LGSN: variants seen among roughly 807,000 people sequenced by gnomAD.
The protein encoded by LGSN is lengsin, lens protein with glutamine synthetase domain.
A neutral mutation model predicts 19.5 loss-of-function variants in LGSN; 21 were observed. That is an observed-to-expected ratio of 1.07 (90% confidence interval 0.76 to 1.55). The LOEUF (loss-of-function observed/expected upper bound fraction) is 1.55. Among genes scored for constraint, LGSN ranks in the 40% most tolerant of loss-of-function variants. The pLI, the probability that LGSN is intolerant of heterozygous loss-of-function variation, is 0.00. For missense variants in LGSN, 673 were observed against 608.5 expected (o/e 1.11, Z -1.12); for synonymous variants, 257 against 215.6 (o/e 1.19, Z -1.68).
the LGSN span, among the ~76,000 whole-genome samples, chr6:63,567,433 G>C: frequency 6.6e-6 from 1 of 152,192 alleles, no homozygotes; most frequent in Non-Finnish European, 1.5e-5. Flanking sequence ...GCATTTCAGT[G>C]ACCATGTGCA....
chr6:63,461,082 C>A, the LGSN span, among the ~76,000 whole-genome samples: 1 of 152,096 alleles, frequency 6.6e-6, no homozygotes, highest in Non-Finnish European at 1.5e-5. Context: ...GGGTTTTTTC[C>A]CCCAAGACGG....
At chr6:63,526,319 C>T in the LGSN span, among the ~76,000 whole-genome samples, 1 of 150,766 alleles carries the variant, frequency 6.6e-6, no homozygotes, top group African/African-American at 2.4e-5. Flanking sequence ...AGCAAGACTC[C>T]ACCTCAAAAT....
At chr6:63,498,079 C>T in the LGSN span, among the ~76,000 whole-genome samples, 8 of 151,828 alleles carry the variant, frequency 5.3e-5, no homozygotes, top group East Asian at 1.9e-4. Flanking sequence ...CCACTACACC[C>T]GGCTAATTTT....
chr6:63,291,853 C>A (rs138878298), intron 2 of LGSN, among the ~76,000 whole-genome samples: 230 of 152,178 alleles, frequency 1.5e-3, no homozygotes, highest in Non-Finnish European at 2.6e-3. Context: ...AGGGACTTTG[C>A]AAATGTAATT....
the LGSN span, among the ~76,000 whole-genome samples, chr6:63,453,952 G>A: frequency 7.2e-5 from 11 of 152,170 alleles, no homozygotes; most frequent in Admixed American, 2.6e-4. Flanking sequence ...CACCGCGCCC[G>A]GCCGTCATTA....
chr6:63,526,588 T>C, the LGSN span, among the ~76,000 whole-genome samples: 1 of 151,416 alleles, frequency 6.6e-6, no homozygotes, highest in Non-Finnish European at 1.5e-5. Flanking sequence ...GGCAGGCGGA[T>C]CGCAAGGTAA....
At chr6:63,433,411 C>T in the LGSN span, among the ~76,000 whole-genome samples, 1 of 152,166 alleles carries the variant, frequency 6.6e-6, no homozygotes, top group Non-Finnish European at 1.5e-5. Context: ...ACCAAGTTGC[C>T]TAAAGTCTCC....
the LGSN span, among the ~76,000 whole-genome samples, chr6:63,453,870 A>G: frequency 6.6e-6 from 1 of 151,966 alleles, no homozygotes; most frequent in Non-Finnish European, 1.5e-5. Context: ...GTCAGCCAAG[A>G]TGGTCTCGGT....
the LGSN span, among the ~76,000 whole-genome samples, chr6:63,443,787 G>A: frequency 2.0e-5 from 3 of 152,114 alleles, no homozygotes; most frequent in African/African-American, 7.2e-5. Context: ...ATGGGAGGTG[G>A]TGGGGGACAG....
the LGSN span, among the ~76,000 whole-genome samples, chr6:63,401,184 A>G: frequency 3.9e-5 from 6 of 151,952 alleles, no homozygotes; most frequent in African/African-American, 1.2e-4. Context: ...GTTTCAGCAC[A>G]GGATTTCAAA....
the LGSN span, among the ~76,000 whole-genome samples, chr6:63,409,034 C>G: frequency 6.6e-6 from 1 of 152,116 alleles, no homozygotes; most frequent in African/African-American, 2.4e-5. Context: ...CCTCAGCCTC[C>G]CAAGTAACTA....
chr6:63,346,306 C>T, the LGSN span, among the ~76,000 whole-genome samples: 1 of 152,006 alleles, frequency 6.6e-6, no homozygotes, highest in African/African-American at 2.4e-5. Context: ...CCCACCCCAC[C>T]ATCGTCCTGA....
At chr6:63,332,884 C>T in the LGSN span, among the ~76,000 whole-genome samples, 15 of 152,138 alleles carry the variant, frequency 9.9e-5, no homozygotes, top group Admixed American at 5.2e-4. Flanking sequence ...CTTGGTCTCA[C>T]TGACTTCCAG....
At chr6:63,486,873 T>C in the LGSN span, among the ~76,000 whole-genome samples, 2 of 151,072 alleles carry the variant, frequency 1.3e-5, no homozygotes, top group African/African-American at 4.9e-5. Context: ...TCTTGCTGTG[T>C]TACCCAGGCT....
the LGSN span, among the ~76,000 whole-genome samples, chr6:63,568,305 A>C: frequency 6.6e-6 from 1 of 152,172 alleles, no homozygotes. Flanking sequence ...TCTTCCTTTC[A>C]CTTGAACACT....
At chr6:63,478,765 T>G in the LGSN span, among the ~76,000 whole-genome samples, 1 of 152,102 alleles carries the variant, frequency 6.6e-6, no homozygotes, top group Non-Finnish European at 1.5e-5. Flanking sequence ...ATAATTAAGG[T>G]GTTTATTGGT....
At chr6:63,524,421 T>C in the LGSN span, among the ~76,000 whole-genome samples, 5 of 152,202 alleles carry the variant, frequency 3.3e-5, no homozygotes, top group Non-Finnish European at 7.3e-5. Context: ...ATGAATTTCT[T>C]CTAAGAGGAC....
chr6:63,412,454 GAAAGAAAGAA>G, the LGSN span, among the ~76,000 whole-genome samples: 35 of 125,256 alleles, frequency 2.8e-4, no homozygotes, highest in African/African-American at 1.1e-3. Flanking sequence ...AAGAAAGAAA[GAAAGAAAGAA>G]AAAGAGAGAG....
the LGSN span, among the ~76,000 whole-genome samples, chr6:63,372,837 A>G: frequency 6.6e-6 from 1 of 152,232 alleles, no homozygotes; most frequent in African/African-American, 2.4e-5. Context: ...ATATTCATTT[A>G]TACTTATTTT....
Sources: allele counts gnomAD v4.1 joint callset (sites outside exome capture counted in the v4.1 genomes callset), GRCh38; gene constraint gnomAD v4.1.1; transcripts MANE v1.5; gene names NCBI Gene and HGNC (gene_info 2026-07-23, HGNC 2026-07-21).